The following WDR26 variants were observed in gnomAD, a reference collection of about 807,000 sequenced individuals.
WDR26 encodes the protein WD repeat-containing protein 26.
WDR26 carries 5 observed loss-of-function variants against 84.1 expected under a neutral mutation model. The ratio of observed to expected loss-of-function variants is 0.06; its 90% CI spans 0.03 to 0.13. The LOEUF (loss-of-function observed/expected upper bound fraction) is 0.13, where lower values mean the gene tolerates loss of function less well. Among genes scored for constraint, WDR26 ranks in the 10% least tolerant of loss-of-function variants. WDR26 has a pLI of 1.00. For synonymous variants in WDR26, 415 were observed against 389.6 expected (o/e 1.07, Z -0.77); for missense variants, 642 against 974.9 (o/e 0.66, Z 4.55).
At chr1:224,431,431 AC>A (rs772786929) in intron 3 of WDR26, 45 bp downstream of exon 3, 2 of 1,552,982 alleles carry the variant, frequency 1.3e-6, no homozygotes, top group South Asian at 2.3e-5. Flanking sequence ...TCAATAACCT[AC>A]TAAAATAAGC....
At chr1:224,411,959 A>G (rs898524892) in intron 6 of WDR26, among the ~76,000 whole-genome samples, 22 of 152,062 alleles carry the variant, frequency 1.4e-4, no homozygotes, top group African/African-American at 5.3e-4. Flanking sequence ...TTATGACTGC[A>G]CCACTGCACT....
intron 4 of WDR26, among the ~76,000 whole-genome samples, chr1:224,421,850 G>C (rs888367280): frequency 6.6e-6 from 1 of 152,162 alleles, no homozygotes; most frequent in African/African-American, 2.4e-5. Context: ...GTCAAACCAG[G>C]CTTTGAGTCC....
At chr1:224,412,041 G>C (rs2102905903) in intron 6 of WDR26, among the ~76,000 whole-genome samples, 1 of 152,224 alleles carries the variant, frequency 6.6e-6, no homozygotes, top group African/African-American at 2.4e-5. Flanking sequence ...ATAGGCTCCA[G>C]ATAATGAGTT....
chr1:224,407,151 A>AAAAATATATATATATATATATATAT, intron 7 of WDR26, among the ~76,000 whole-genome samples: 5 of 11,876 alleles, frequency 4.2e-4, no homozygotes, highest in African/African-American at 7.8e-4. Flanking sequence ...AAAAAAAAAA[A>AAAAATATATATATATATATATATAT]ATATATATAT....
intron 6 of WDR26, among the ~76,000 whole-genome samples, chr1:224,416,700 G>A (rs189388335): frequency 9.9e-5 from 15 of 152,272 alleles, no homozygotes; most frequent in Admixed American, 7.8e-4. Context: ...AGCTCTTAAC[G>A]TACTGATACC....
intron 4 of WDR26, among the ~76,000 whole-genome samples, chr1:224,423,992 G>A (rs369181518): frequency 1.6e-4 from 24 of 152,254 alleles, no homozygotes; most frequent in East Asian, 1.4e-3. Context: ...TGCACTCTGG[G>A]AAGATCACAG....
chr1:224,434,040 G>A lies in WDR26; in HGVS notation c.366C>T (p.Gly122=). 2 of 1,459,256 alleles carry A rather than the reference G, an allele frequency of 1.4e-6. No homozygotes were observed. Among genetic ancestry groups the A allele is most frequent in the Non-Finnish European group, 1.8e-6 (2 of 1,109,300 alleles). The allele number at this position is 1,459,256 out of a possible 1,614,324, so 90.4% of individuals were successfully genotyped here. ...CCGGGGTCTGTCCCTGGCCCCCGCC[G>A]CCCCCTCCTCCTCCACCGCCGCCGC... The change falls in exon 1 of 14, where the codon GGC becomes GGT. Residue 122 remains glycine (G), a synonymous_variant. Transcript: ENST00000414423.
chr1:224,417,504 T>A (rs1673939124), intron 6 of WDR26, among the ~76,000 whole-genome samples: 1 of 152,116 alleles, frequency 6.6e-6, no homozygotes, highest in South Asian at 2.1e-4. Context: ...AGACCAGAAG[T>A]TCAAGACCAG....
intron 12 of WDR26, among the ~76,000 whole-genome samples, chr1:224,396,342 A>G (rs184168490): frequency 1.3e-5 from 2 of 152,350 alleles, no homozygotes; most frequent in East Asian, 3.9e-4. Context: ...ATTCTCAGGC[A>G]TAATTAAGAG....
intron 8 of WDR26, among the ~76,000 whole-genome samples, chr1:224,401,702 G>GGAAA (rs1553354190): frequency 0.15 from 14,539 of 97,416 alleles, 1,341 homozygotes; most frequent in Non-Finnish European, 0.18. Context: ...AAAAAAAAAA[G>GGAAA]AAAAAAGAAA....
At chr1:224,401,423 A>G (rs1371762396) in intron 8 of WDR26, among the ~76,000 whole-genome samples, 3 of 152,146 alleles carry the variant, frequency 2.0e-5, no homozygotes, top group Non-Finnish European at 4.4e-5. Context: ...ATTCCTTCTG[A>G]GCTTCCACTT....
At chr1:224,392,270 A>G (rs904056152) in intron 13 of WDR26, among the ~76,000 whole-genome samples, 1 of 151,966 alleles carries the variant, frequency 6.6e-6, no homozygotes, top group African/African-American at 2.4e-5. Context: ...CTGAGGCAGG[A>G]GAATGGCGTG....
chr1:224,398,705 A>G, intron 10 of WDR26, 112 bp from the exon 11 acceptor site: 1 of 1,180,696 alleles, frequency 8.5e-7, no homozygotes, highest in East Asian at 2.4e-5. Context: ...TGCAATCACT[A>G]TTACATACTA....
At chr1:224,394,546 C>T (rs112640755) in intron 12 of WDR26, among the ~76,000 whole-genome samples, 52 of 151,802 alleles carry the variant, frequency 3.4e-4, no homozygotes, top group Non-Finnish European at 6.6e-4. Flanking sequence ...ACTCTGTTGC[C>T]CAGGCTGGAG....
At chr1:224,407,360 C>CT (rs913037064) in intron 7 of WDR26, among the ~76,000 whole-genome samples, 24 of 147,524 alleles carry the variant, frequency 1.6e-4, no homozygotes, top group Admixed American at 1.4e-3. Flanking sequence ...TAAAATTCAT[C>CT]TTTTTTAGGC....
chr1:224,407,151 A>AAAAAAATAT, intron 7 of WDR26, among the ~76,000 whole-genome samples: 2 of 11,876 alleles, frequency 1.7e-4, no homozygotes, highest in Non-Finnish European at 2.8e-4. Flanking sequence ...AAAAAAAAAA[A>AAAAAAATAT]ATATATATAT....
At chr1:224,393,663 C>T (rs1558414220) in intron 13 of WDR26, among the ~76,000 whole-genome samples, 165 bp downstream of exon 13, 3 of 152,180 alleles carry the variant, frequency 2.0e-5, no homozygotes, top group Admixed American at 2.0e-4. Flanking sequence ...TTGGCTCTTA[C>T]ACTACTTAAA....
chr1:224,423,838 A>T (rs1674134423), intron 4 of WDR26, among the ~76,000 whole-genome samples: 1 of 152,260 alleles, frequency 6.6e-6, no homozygotes. Flanking sequence ...GTATACAGAT[A>T]GTATGTGAAG....
At chr1:224,409,514 C>A (rs11801645) in intron 7 of WDR26, among the ~76,000 whole-genome samples, 42,280 of 152,072 alleles carry the variant, frequency 0.28, 7,206 homozygotes, top group African/African-American at 0.47. Context: ...TTGTTTGTAG[C>A]ATACATAGGT....
Sources: allele counts gnomAD v4.1 joint callset (sites outside exome capture counted in the v4.1 genomes callset), GRCh38; gene constraint gnomAD v4.1.1; transcripts MANE v1.5; gene names NCBI Gene and HGNC (gene_info 2026-07-23, HGNC 2026-07-21).